The following RYR3 variants were observed in gnomAD, a reference collection of about 807,000 sequenced individuals.
RYR3 encodes the protein ryanodine receptor 3, also known as brain ryanodine receptor-calcium release channel.
In RYR3, 207 loss-of-function variants were observed where a neutral mutation model predicts 584.3. The observed-to-expected ratio is 0.35, with a 90% CI of 0.32 to 0.40. The LOEUF (loss-of-function observed/expected upper bound fraction) is 0.40. Among genes scored for constraint, RYR3 ranks in the 10% least tolerant of loss-of-function variants. RYR3 has a pLI of 1.00. For synonymous variants in RYR3, 2,416 were observed against 2,248.5 expected, an observed-to-expected ratio of 1.07 and a Z score of -2.11; for missense variants, 5,616 against 6,089.2, an observed-to-expected ratio of 0.92 and a Z score of 2.59.
At chr15:33,464,036 G>C (rs2142101404) in intron 1 of RYR3, among the ~76,000 whole-genome samples, 1 of 152,262 alleles carries the variant, frequency 6.6e-6, no homozygotes, top group African/African-American at 2.4e-5. Context: ...CTCCGTAAGT[G>C]CCTACCATAT....
intron 1 of RYR3, among the ~76,000 whole-genome samples, chr15:33,323,198 G>A (rs190473573): frequency 7.2e-5 from 11 of 152,050 alleles, no homozygotes; most frequent in East Asian, 5.8e-4. Context: ...TGCAAGCTCC[G>A]CCTCCCAGGT....
rs766576655 is a variant in RYR3, at chr15:33,739,845, A to C, written c.7670A>C (p.Asp2557Ala). Residue 2557 changes from aspartate (D) to alanine (A), a missense_variant, in exon 51 of 104, where the codon GAT becomes GCT. Physicochemically the swap from Asp to Ala is moderately radical, Grantham distance 126. Around this residue, in one of 9 missense-constraint regions of RYR3, gnomAD observed 1,280 missense variants for 1,426.2 expected, o/e 0.90. Transcript: ENST00000634891. ...TTTCCCTCACAGAAATATGACCCAG[A>C]TCTTTTCCGAATGGCCCTGCCTTGT... Reference protein sequence around the residue: ...DSLSHKKYDPDLFRMALPCLS... With the variant: ...DSLSHKKYDPALFRMALPCLS... 4.6e-5 allele frequency: 74 copies of C among 1,613,400 alleles called. No individual in the cohort carries two copies. The highest frequency in any genetic ancestry group is 5.9e-5 in the Non-Finnish European group (70 of 1,179,702).
chr15:33,475,859 A>G (rs550367688), intron 2 of RYR3, among the ~76,000 whole-genome samples: 5 of 152,312 alleles, frequency 3.3e-5, no homozygotes, highest in Non-Finnish European at 7.3e-5. Context: ...GGTTATTATG[A>G]TTTCATATTG....
At chr15:33,628,009 AG>A (rs1361729550) in intron 20 of RYR3, among the ~76,000 whole-genome samples, 2 of 152,142 alleles carry the variant, frequency 1.3e-5, no homozygotes, top group African/African-American at 2.4e-5. Flanking sequence ...TAAAAACAGG[AG>A]GAGAAAAAAG....
chr15:33,531,338 T>C (rs745405353), intron 4 of RYR3, among the ~76,000 whole-genome samples: 20 of 151,908 alleles, frequency 1.3e-4, no homozygotes, highest in Non-Finnish European at 2.8e-4. Context: ...TATAAAAAAA[T>C]ATAATTTTAC....
At chr15:33,665,664 G>A (rs185800419) in intron 36 of RYR3, among the ~76,000 whole-genome samples, 2 of 152,208 alleles carry the variant, frequency 1.3e-5, no homozygotes, top group Admixed American at 6.5e-5. Flanking sequence ...CTGTCTCTTG[G>A]GCTACCATTT....
intron 40 of RYR3, among the ~76,000 whole-genome samples, chr15:33,699,275 CCCT>C (rs2066103070): frequency 1.7e-5 from 2 of 116,584 alleles, no homozygotes; most frequent in African/African-American, 6.5e-5. Context: ...TCTCTCTCCC[CCCT>C]CCTCACTCTC....
chr15:33,509,151 A>G (rs562523978), intron 3 of RYR3, among the ~76,000 whole-genome samples: 6 of 152,354 alleles, frequency 3.9e-5, no homozygotes, highest in Middle Eastern at 3.4e-3. Context: ...CTAACAGTGC[A>G]TCTGCTGTGA....
rs2152922618 is a variant in RYR3, at chr15:33,794,127, A to AC, written c.9830+5669_9830+5670insC. On this transcript the variant is annotated intron_variant, in intron 67 of 103. Coordinates refer to ENST00000634891, the MANE Select transcript of RYR3 (RefSeq NM_001036.6). Reference sequence around the variant, plus strand: ...ATAAATATAATATACATAAATATATATTTATATATAATATACATAAATATA... The same window carrying AC: ...ATAAATATAATATACATAAATATATACTTTATATATAATATACATAAATATA... Among the ~76,000 whole-genome samples, 7 of 110,564 alleles carry AC rather than the reference A, an allele frequency of 6.3e-5. No individual in the cohort carries two copies. The South Asian group carries it at 1.8e-3, about 28-fold the overall frequency. 72.5% of individuals were successfully genotyped at this position (110,564 alleles called of 152,430 possible).
chr15:33,740,771 A>C (rs924169416), intron 51 of RYR3, among the ~76,000 whole-genome samples: 6 of 152,230 alleles, frequency 3.9e-5, no homozygotes, highest in African/African-American at 1.4e-4. Context: ...CCTGTCCTTC[A>C]TGGCAGTAGT....
In RYR3 at chr15:33,696,435, C is replaced by T. The variant is rs1208594260; in HGVS notation, c.6078C>T (p.Ser2026=). 1.1e-5 allele frequency: 17 copies of T among 1,613,944 alleles called. No homozygotes were observed. The highest frequency in any genetic ancestry group is 1.4e-5 in the Non-Finnish European group (17 of 1,179,882). The change falls in exon 39 of 104, where the codon TCC becomes TCT. Residue 2026 remains serine, a synonymous_variant. Coordinates refer to ENST00000634891, the MANE Select transcript of RYR3 (RefSeq NM_001036.6). ...TGGCTGCCCTGGGCCAAATCCGCTC[C>T]CTCCTCAGTGTCAGGATGGGCAAGG... The part of the protein sequence containing the change: ...NLLAALGQIR[S]LLSVRMGKEE...
chr15:33,738,658 C>T, intron 50 of RYR3, 68 bp downstream of exon 50: 1 of 1,560,346 alleles, frequency 6.4e-7, no homozygotes, highest in East Asian at 2.2e-5. Flanking sequence ...ATAATAACAG[C>T]CGTCATCTGT....
intron 11 of RYR3, among the ~76,000 whole-genome samples, 166 bp from the exon 12 acceptor site, chr15:33,566,512 C>T (rs1264524243): frequency 6.6e-6 from 1 of 152,164 alleles, no homozygotes; most frequent in African/African-American, 2.4e-5. Context: ...ACTAATAGGG[C>T]GTATGGGTGC....
chr15:33,603,629 A>T (rs1305383164), intron 18 of RYR3, among the ~76,000 whole-genome samples: 1 of 152,214 alleles, frequency 6.6e-6, no homozygotes, highest in Non-Finnish European at 1.5e-5. Flanking sequence ...CGGAATCGTT[A>T]GGATTATATG....
At chr15:33,864,701 A>C (rs1415155695) in intron 103 of RYR3, 22 of 179,344 alleles carry the variant, frequency 1.2e-4, no homozygotes, top group Non-Finnish European at 1.1e-4. Flanking sequence ...AAATATTCAA[A>C]CATCATTGGC....
At chr15:33,429,830 G>A (rs2044971111) in intron 1 of RYR3, among the ~76,000 whole-genome samples, 3 of 152,208 alleles carry the variant, frequency 2.0e-5, no homozygotes, top group Admixed American at 2.0e-4. Flanking sequence ...GCAGACCTCT[G>A]TTAAATATTG....
intron 1 of RYR3, among the ~76,000 whole-genome samples, chr15:33,343,994 T>A (rs1011395640): frequency 6.6e-6 from 1 of 152,202 alleles, no homozygotes; most frequent in African/African-American, 2.4e-5. Context: ...TATTTTAAGA[T>A]TAAGAAAAAA....
chr15:33,724,594 A>AT (rs1483886905), intron 45 of RYR3, among the ~76,000 whole-genome samples: 2 of 151,838 alleles, frequency 1.3e-5, no homozygotes, highest in Non-Finnish European at 2.9e-5. Context: ...TGGTGTTTGA[A>AT]TTTTTCCCCC....
intron 1 of RYR3, among the ~76,000 whole-genome samples, chr15:33,317,565 A>G (rs1968366051): frequency 6.6e-6 from 1 of 152,188 alleles, no homozygotes; most frequent in African/African-American, 2.4e-5. Context: ...CACCTCTTCA[A>G]TTCAGAGAGA....
Sources: gnomAD v4.1 joint callset for allele counts (sites outside exome capture counted in the v4.1 genomes callset) on GRCh38, gnomAD v4.1.1 for gene constraint, gnomAD v4.1.1 regional missense constraint, MANE v1.5 for transcripts, NCBI Gene and HGNC (gene_info 2026-07-23, HGNC 2026-07-21) for gene names.